Variants in KLC3 observed in about 807,000 individuals in gnomAD.
KLC3 encodes the protein kinesin light chain 3.
KLC3 carries 72 observed loss-of-function variants against 62.9 expected under a neutral mutation model. That is an observed-to-expected ratio of 1.15 (90% CI 0.95 to 1.39). KLC3 has a LOEUF of 1.39. Ranked by LOEUF, KLC3 falls within the 40% of genes most tolerant of loss-of-function variation. KLC3 has a pLI of 0.00. For missense variants in KLC3, 848 were observed against 691.6 expected (o/e 1.23, Z -2.54); for synonymous variants, 377 against 300.5 (o/e 1.25, Z -2.63).
At chr19:45,346,868 C>A in intron 3 of KLC3, 94 bp downstream of exon 3, 2 of 1,212,012 alleles carry the variant, frequency 1.7e-6, no homozygotes, top group Non-Finnish European at 1.2e-6. Context: ...TCCCCAAGAT[C>A]CTCCTTAGAA....
chr19:45,349,957 G>A (rs1971638635), intron 8 of KLC3: 1 of 413,726 alleles, frequency 2.4e-6, no homozygotes, highest in South Asian at 3.7e-5. Context: ...TTTGCGTGTG[G>A]GAAGACTGAG....
Position 45,348,822 on chromosome 19 carries a change from G to A in KLC3, c.870G>A (p.Val290=). The change falls in exon 7 of 13, where the codon GTG becomes GTA. Residue 290 remains valine (V), a splice_region_variant and synonymous_variant. Transcript: ENST00000391946. ...EQTLGPEHPA[V]AATLNNLAVL... Reference sequence around the variant, plus strand: ...CTGTGCCTCCCCCAACCCCGCAGGTGGCCGCCACGCTCAACAACTTGGCTG... The same window carrying A: ...CTGTGCCTCCCCCAACCCCGCAGGTAGCCGCCACGCTCAACAACTTGGCTG... 6.4e-7 allele frequency: 1 copy of A among 1,565,428 alleles called. No homozygotes were observed. Among genetic ancestry groups the A allele is most frequent in the Non-Finnish European group, 8.7e-7 (1 of 1,154,788 alleles).
intron 2 of KLC3, 137 bp downstream of exon 2, chr19:45,345,936 T>G (rs1225519821): frequency 6.0e-6 from 6 of 1,002,964 alleles, no homozygotes; most frequent in Non-Finnish European, 8.5e-6. Context: ...GAGGCTGAGG[T>G]GGGCAGATCA....
At chr19:45,341,862 C>T (rs1000142199) in intron 1 of KLC3, among the ~76,000 whole-genome samples, 11 of 151,492 alleles carry the variant, frequency 7.3e-5, no homozygotes, top group African/African-American at 2.4e-5. Context: ...TGGTGTGCAA[C>T]GGAGAGTTTG....
intron 7 of KLC3, among the ~76,000 whole-genome samples, chr19:45,349,173 A>G (rs1395919249): frequency 3.3e-5 from 5 of 151,592 alleles, no homozygotes; most frequent in African/African-American, 1.2e-4. Flanking sequence ...TAGCCTTTCC[A>G]ACCCCTCATG....
Position 45,348,033 on chromosome 19 carries a change from G to A in KLC3, c.652G>A (p.Ala218Thr), listed in dbSNP as rs778504884. The change falls in exon 5 of 13, where the codon GCG becomes ACG. Residue 218 changes from alanine to threonine, a missense_variant. Physicochemically the swap from Ala to Thr is moderately conservative, Grantham distance 58. Transcript: ENST00000391946. ...CCTGCATAACCTCGTGATCCAGTAC[G>A]CGGGGCAGGGCCGCTATGAGGTGGC... ...RTLHNLVIQY[A>T]GQGRYEVAVP... is the part of the protein sequence containing the mutation. 38 of 1,606,096 alleles carry A rather than the reference G, an allele frequency of 2.4e-5. No homozygotes were observed. Among genetic ancestry groups the A allele is most frequent in the Admixed American group, 6.8e-5 (4 of 58,818 alleles).
intron 1 of KLC3, among the ~76,000 whole-genome samples, chr19:45,341,554 GGTGTGTGTGTGT>G (rs773352088): frequency 4.2e-5 from 6 of 144,110 alleles, no homozygotes; most frequent in Admixed American, 1.4e-4. Flanking sequence ...TCTGCCTGTT[GGTGTGTGTGTGT>G]GTGTGTGTGT....
chr19:45,348,034 C>A lies in KLC3; in HGVS notation c.653C>A (p.Ala218Glu), dbSNP rs368152525. ...CTGCATAACCTCGTGATCCAGTACG[C>A]GGGGCAGGGCCGCTATGAGGTGGCG... ...RTLHNLVIQY[A>E]GQGRYEVAVP... The change falls in exon 5 of 13, where the codon GCG becomes GAG. Residue 218 changes from alanine to glutamate, a missense_variant. By Grantham distance (107) the Ala-to-Glu change is moderately radical. Coordinates refer to ENST00000391946, the MANE Select transcript of KLC3 (RefSeq NM_177417.3). 2.5e-6 allele frequency: 4 copies of A among 1,606,106 alleles called. No homozygotes were observed. Among genetic ancestry groups the A allele is most frequent in the East Asian group, 2.2e-5 (1 of 44,552 alleles).
At chr19:45,347,813 T>C (rs1304427165) in intron 4 of KLC3, 128 bp from the exon 5 acceptor site, 4 of 775,036 alleles carry the variant, frequency 5.2e-6, no homozygotes, top group Admixed American at 2.6e-5. Context: ...TCTCAGAAGT[T>C]AGCGTGGGGG....
At chr19:45,342,848 T>G (rs1971420145) in intron 1 of KLC3, among the ~76,000 whole-genome samples, 1 of 152,104 alleles carries the variant, frequency 6.6e-6, no homozygotes, top group Admixed American at 6.6e-5. Context: ...GAGGGAGAGA[T>G]CAATGACGAT....
intron 3 of KLC3, chr19:45,347,197 C>T (rs1219495040): frequency 4.1e-6 from 2 of 490,838 alleles, no homozygotes; most frequent in Non-Finnish European, 7.3e-6. Flanking sequence ...ACAAAATTAG[C>T]CGGGTGTGGT....
chr19:45,349,643 T>C, intron 8 of KLC3, 41 bp downstream of exon 8: 1 of 1,457,098 alleles, frequency 6.9e-7, no homozygotes. Context: ...GAGTGGAGGG[T>C]CCTGCCCTGG....
intron 7 of KLC3, 130 bp from the exon 8 acceptor site, chr19:45,349,299 G>GCCCCCAA (rs1465857955): frequency 5.4e-6 from 5 of 924,614 alleles, no homozygotes; most frequent in Non-Finnish European, 8.1e-6. Context: ...TGTGTCCCCA[G>GCCCCCAA]CCCCCAACCT....
At chr19:45,345,828 G>C (rs1188220167) in intron 2 of KLC3, 29 bp downstream of exon 2, 1 of 1,532,990 alleles carries the variant, frequency 6.5e-7, no homozygotes, top group Admixed American at 2.0e-5. Context: ...GGGAGCTGGG[G>C]GAAGGTCAGC....
chr19:45,346,492 C>A, intron 2 of KLC3, 52 bp from the exon 3 acceptor site: 1 of 1,444,280 alleles, frequency 6.9e-7, no homozygotes, highest in Non-Finnish European at 9.2e-7. Flanking sequence ...GGGTCAGGGG[C>A]CGTCTGGCAG....
chr19:45,350,788 A>C, intron 11 of KLC3, 41 bp downstream of exon 11: 1 of 1,551,300 alleles, frequency 6.4e-7, no homozygotes, highest in Non-Finnish European at 8.8e-7. Context: ...TGACATCAGC[A>C]GAATCCACAG....
At chr19:45,349,378 T>G in intron 7 of KLC3, 51 bp from the exon 8 acceptor site, 1 of 1,532,852 alleles carries the variant, frequency 6.5e-7, no homozygotes. Context: ...TGATGTCACG[T>G]GTCCCACCAA....
At chr19:45,349,228 G>C (rs978020084) in intron 7 of KLC3, among the ~76,000 whole-genome samples, 4 of 151,984 alleles carry the variant, frequency 2.6e-5, no homozygotes, top group Admixed American at 2.0e-4. Flanking sequence ...CTCACCCTGT[G>C]CCCCACGTTT....
chr19:45,344,057 G>A (rs1022439435), intron 1 of KLC3, among the ~76,000 whole-genome samples: 1 of 151,426 alleles, frequency 6.6e-6, no homozygotes. Context: ...TGAACTCCTG[G>A]GCTCAAGTGA....
Sources: allele counts gnomAD v4.1 joint callset (sites outside exome capture counted in the v4.1 genomes callset), GRCh38; gene constraint gnomAD v4.1.1; transcripts MANE v1.5; gene names NCBI Gene and HGNC (gene_info 2026-07-23, HGNC 2026-07-21).